The following GEM variants were observed in gnomAD, a reference collection of about 807,000 sequenced individuals.
The protein encoded by GEM is GTP binding protein overexpressed in skeletal muscle.
Under a neutral mutation model 33.0 loss-of-function variants are expected in GEM, and 31 were observed. The observed-to-expected ratio is 0.94, with a 90% CI of 0.71 to 1.27. The LOEUF is 1.27. Ranked by LOEUF, GEM falls within the 50% of genes most tolerant of loss-of-function variation. GEM has a pLI of 0.00. For synonymous variants in GEM, 141 were observed against 143.7 expected (o/e 0.98, Z 0.13); for missense variants, 354 against 390.5 (o/e 0.91, Z 0.79).
rs1000203951 is a variant in GEM at position 94,250,109 on chromosome 8, C to A, written c.*201G>T. The A allele has an allele frequency of 3.5e-6, 2 of 574,240 alleles. No homozygotes were observed. The highest frequency in any genetic ancestry group is 3.7e-5 in the African/African-American group (2 of 53,420). 35.6% of individuals were successfully genotyped at this position (574,240 alleles called of 1,614,324 possible). A position where few individuals can be genotyped will look rare whatever the true frequency, so the allele number is the denominator to read the frequency against. ...TGGGTGTTCAAATAGCAAGGTCAGG[C>A]TTTTCCTGGAAATAAATACTGACTT... is the stretch of plus-strand genomic sequence containing the variant. On this transcript the variant is annotated 3_prime_UTR_variant, in exon 5 of 5. Coordinates refer to ENST00000297596, the MANE Select transcript of GEM (RefSeq NM_005261.4).
chr8:94,253,554 T>C (rs1458397920), intron 2 of GEM, among the ~76,000 whole-genome samples: 2 of 152,202 alleles, frequency 1.3e-5, no homozygotes, highest in Non-Finnish European at 2.9e-5. Flanking sequence ...GAATACTCAC[T>C]AGCAATTTCA....
In GEM at chr8:94,260,370, C is replaced by T. The variant is rs17847126; in HGVS notation, c.134G>A (p.Arg45His). The change falls in exon 2 of 5, where the codon CGC (arginine) becomes CAC (histidine). Residue 45 changes from arginine (R) to histidine (H), a missense_variant. Physicochemically the swap from Arg to His is conservative, Grantham distance 29. Transcript: ENST00000297596. ...GTGGTCCTCAGGGGTAGCAGAATGG[C>T]GGTTGCGGTGGCTGTACTGGTGGGG... ...KEPHQYSHRN[R>H]HSATPEDHCR... 3.6e-3 allele frequency: 5,756 copies of T among 1,614,086 alleles called. 163 individuals are homozygous for T. The Admixed American group carries it at 0.049, about 14-fold the overall frequency.
At chr8:94,257,156 T>A (rs1028633879) in intron 2 of GEM, among the ~76,000 whole-genome samples, 1 of 151,744 alleles carries the variant, frequency 6.6e-6, no homozygotes, top group Non-Finnish European at 1.5e-5. Flanking sequence ...ATTTTATTTA[T>A]TTTATTTTAT....
chr8:94,252,264 TG>T (rs1678311302), intron 3 of GEM, 41 bp from the exon 4 acceptor site: 1 of 1,324,194 alleles, frequency 7.6e-7, no homozygotes, highest in African/African-American at 1.4e-5. Context: ...CAGTTAGGCC[TG>T]GGGAATAAAG....
chr8:94,255,710 G>T (rs1808876995), intron 2 of GEM, among the ~76,000 whole-genome samples: 1 of 152,222 alleles, frequency 6.6e-6, no homozygotes, highest in Non-Finnish European at 1.5e-5. Flanking sequence ...CAGTAAAGGT[G>T]TGGAGAAAGG....
chr8:94,250,627 C>T (rs761819171), intron 4 of GEM, 40 bp from the exon 5 acceptor site: 4 of 1,550,536 alleles, frequency 2.6e-6, no homozygotes, highest in Non-Finnish European at 2.6e-6. Context: ...CTGCAGAGCA[C>T]AGTCCCACAT....
At chr8:94,258,585 A>G (rs1465698465) in intron 2 of GEM, among the ~76,000 whole-genome samples, 1 of 152,184 alleles carries the variant, frequency 6.6e-6, no homozygotes, top group Non-Finnish European at 1.5e-5. Context: ...ACTAGATTTG[A>G]ATCCTGGTCA....
Position 94,252,047 on chromosome 8 carries a change from T to C in GEM, c.585A>G (p.Leu195=). ...PIILVGNKSD[L]VRCREVSVSE... is the part of the protein sequence containing the mutation. ...ATACAGACACTTCTCGGCACCGCACTAAGTCACTTTTGTTGCCAACCAAAA... is the reference window on the plus strand; with the variant it reads ...ATACAGACACTTCTCGGCACCGCACCAAGTCACTTTTGTTGCCAACCAAAA... Residue 195 remains leucine (L), a synonymous_variant, in exon 4 of 5, where the codon TTA becomes TTG. Transcript: ENST00000297596. 6.2e-7 allele frequency: 1 copy of C among 1,614,040 alleles called. No homozygotes were observed. Among genetic ancestry groups the C allele is most frequent in the Non-Finnish European group, 8.5e-7 (1 of 1,179,868 alleles).
chr8:94,256,142 T>C (rs1015922004), intron 2 of GEM, among the ~76,000 whole-genome samples: 5 of 152,100 alleles, frequency 3.3e-5, no homozygotes, highest in Admixed American at 6.5e-5. Context: ...GTCCTTGGCC[T>C]GACTTCAGCA....
At chr8:94,258,011 G>A (rs533168400) in intron 2 of GEM, among the ~76,000 whole-genome samples, 12 of 152,236 alleles carry the variant, frequency 7.9e-5, no homozygotes, top group African/African-American at 2.9e-4. Flanking sequence ...CCCAAATCCT[G>A]TGTCTTTTCA....
At chr8:94,261,963 A>C (rs940712662) in intron 1 of GEM, 127 bp downstream of exon 1, 1 of 152,170 alleles carries the variant, frequency 6.6e-6, no homozygotes, top group African/African-American at 2.4e-5. Flanking sequence ...AAATACATAA[A>C]GCATCATTAA....
At chr8:94,251,948 G>T in intron 4 of GEM, 71 bp downstream of exon 4, 1 of 1,167,858 alleles carries the variant, frequency 8.6e-7, no homozygotes, top group Non-Finnish European at 1.3e-6. Flanking sequence ...AAGGAGGGAA[G>T]AACCCGTGTC....
intron 1 of GEM, among the ~76,000 whole-genome samples, chr8:94,261,239 A>G (rs1426375618): frequency 1.3e-5 from 2 of 152,208 alleles, no homozygotes; most frequent in Admixed American, 6.5e-5. Context: ...CTCCAAACCT[A>G]GACACCCTGG....
intron 2 of GEM, among the ~76,000 whole-genome samples, chr8:94,254,496 C>A (rs976018057): frequency 3.3e-5 from 5 of 152,122 alleles, no homozygotes; most frequent in African/African-American, 1.2e-4. Context: ...CACCTTAGGG[C>A]TATGTGACAA....
chr8:94,261,699 C>T (rs1244670741), intron 1 of GEM, among the ~76,000 whole-genome samples: 1 of 152,164 alleles, frequency 6.6e-6, no homozygotes, highest in South Asian at 2.1e-4. Context: ...TGAAGACTCC[C>T]CTAAATGATA....
chr8:94,253,660 T>A (rs1010749528), intron 2 of GEM, among the ~76,000 whole-genome samples: 12 of 152,142 alleles, frequency 7.9e-5, no homozygotes, highest in South Asian at 2.1e-4. Context: ...CTTCCTTTTT[T>A]TAAAAAAAAT....
At position 94,252,009 on chromosome 8, in the gene GEM, C is replaced by T. The variant is rs1432884006; in HGVS notation, c.613+10G>A. 3 of 1,600,858 alleles carry T rather than the reference C, an allele frequency of 1.9e-6. No individual in the cohort carries two copies. Among genetic ancestry groups the T allele is most frequent in the Non-Finnish European group, 2.6e-6 (3 of 1,167,980 alleles). The stretch of plus-strand genomic sequence containing the variant: ...GATTGTTTCTACAGTATTGGCTCTG[C>T]TCCTCTTACCTGATACAGACACTTC... On this transcript the variant is annotated intron_variant, in intron 4 of 4. Transcript: ENST00000297596.
intron 4 of GEM, among the ~76,000 whole-genome samples, chr8:94,251,717 T>C (rs957894976): frequency 6.6e-6 from 1 of 152,166 alleles, no homozygotes; most frequent in Non-Finnish European, 1.5e-5. Context: ...AAATCAGAGT[T>C]CCCTATCCTC....
rs1486499597 is a variant in GEM at position 94,260,647 on chromosome 8, T to C, written c.-9-135A>G. ...GTATCCCTAACATAAAGACCACCAA[T>C]TAAACAGTCCCCCAAACCCCAACAA... On this transcript the variant is annotated intron_variant, in intron 1 of 4. Transcript: ENST00000297596. 16 of 607,394 alleles carry C rather than the reference T, an allele frequency of 2.6e-5. No individual in the cohort carries two copies. The Admixed American group carries it at 4.7e-4, about 18-fold the overall frequency. 37.6% of individuals were successfully genotyped at this position (607,394 alleles called of 1,614,324 possible). A position where few individuals can be genotyped will look rare whatever the true frequency, so the allele number is the denominator to read the frequency against.
Sources: gnomAD v4.1 joint callset for allele counts (sites outside exome capture counted in the v4.1 genomes callset) on GRCh38, gnomAD v4.1.1 for gene constraint, MANE v1.5 for transcripts, NCBI Gene and HGNC (gene_info 2026-07-23, HGNC 2026-07-21) for gene names.